The following ATP2B3 variants were observed in gnomAD, a reference collection of about 807,000 sequenced individuals.
ATP2B3 encodes plasma membrane calcium-transporting ATPase 3.
ATP2B3 carries 12 observed loss-of-function variants against 70.8 expected under a neutral mutation model. That is an observed-to-expected ratio of 0.17 (90% CI 0.11 to 0.27). The LOEUF (loss-of-function observed/expected upper bound fraction) is 0.27, where lower values mean the gene tolerates loss of function less well. Ranked by LOEUF, ATP2B3 falls within the 10% of genes least tolerant of loss-of-function variation. The pLI, the probability that ATP2B3 is intolerant of heterozygous loss-of-function variation, is 1.00. For missense variants in ATP2B3, 858 were observed against 1,118.5 expected, an observed-to-expected ratio of 0.77 and a Z score of 3.32; for synonymous variants, 460 against 497.8, an observed-to-expected ratio of 0.92 and a Z score of 1.01.
At chrX:153,545,096 G>T (rs782187397) in intron 7 of ATP2B3, among the ~76,000 whole-genome samples, 55 of 113,046 alleles carry the variant, frequency 4.9e-4, no homozygotes, top group African/African-American at 1.7e-3. Context: ...TAGGGTCGGG[G>T]GGGGGGCCCT....
rs1295054122 is a variant in ATP2B3, at chrX:153,579,871, G to A, written c.3343-107G>A. On this transcript the variant is annotated intron_variant, in intron 21 of 21. Coordinates refer to ENST00000263519, the MANE Select transcript of ATP2B3 (RefSeq NM_001001344.3). ...TACCAGCACCAGCCGGCCACTGACT[G>A]TCTCCTTCCTTCCTTCCTACCTTCC... 10 of 739,027 alleles carry A rather than the reference G, an allele frequency of 1.4e-5. No individual in the cohort carries two copies. The African/African-American group carries it at 1.5e-4, about 11-fold the overall frequency. The allele number at this position is 739,027 out of a possible 1,213,427, so 60.9% of individuals were successfully genotyped here. A position where few individuals can be genotyped will look rare whatever the true frequency, so the allele number is the denominator to read the frequency against.
chrX:153,552,916 G>T (rs2090478803), intron 12 of ATP2B3, 119 bp from the exon 13 acceptor site: 6 of 544,968 alleles, frequency 1.1e-5, no homozygotes, highest in Non-Finnish European at 1.8e-5. Flanking sequence ...TCTCACACGG[G>T]GCACTCCTCT....
intron 2 of ATP2B3, among the ~76,000 whole-genome samples, chrX:153,520,320 A>G (rs1231809787): frequency 8.9e-6 from 1 of 112,622 alleles, no homozygotes; most frequent in Non-Finnish European, 1.9e-5. Flanking sequence ...GGGGCTTCTG[A>G]GAGCTGAGTA....
chrX:153,549,292 G>A (rs2090420176), intron 10 of ATP2B3, among the ~76,000 whole-genome samples: 1 of 109,954 alleles, frequency 9.1e-6, no homozygotes, highest in Non-Finnish European at 1.9e-5. Flanking sequence ...TCCCGGGTGC[G>A]CATCCCGCCC....
intron 18 of ATP2B3, 103 bp from the exon 19 acceptor site, chrX:153,560,573 G>A (rs2124494959): frequency 1.1e-6 from 1 of 932,654 alleles, no homozygotes; most frequent in African/African-American, 1.9e-5. Context: ...CCATCCCCTG[G>A]GACAAGGGAC....
intron 2 of ATP2B3, among the ~76,000 whole-genome samples, chrX:153,532,760 G>C (rs964619927): frequency 8.9e-6 from 1 of 112,046 alleles, no homozygotes; most frequent in Non-Finnish European, 1.9e-5. Flanking sequence ...GACCATTCTC[G>C]GCAGCCAGCC....
Position 153,553,086 on chromosome X carries a change from G to C in ATP2B3, c.1875G>C (p.Arg625=). The C allele has an allele frequency of 8.3e-7, 1 of 1,208,762 alleles. No homozygotes were observed. ...GCGAACTCCGGGGCTTTCGGCCTCG[G>C]GACCGGGACGACATGGTGAGGAAGA... The part of the protein sequence containing the change: ...SNGELRGFRP[R]DRDDMVRKII... The change falls in exon 13 of 22, where the codon CGG becomes CGC. Residue 625 remains arginine, a synonymous_variant. Coordinates refer to ENST00000263519, the MANE Select transcript of ATP2B3 (RefSeq NM_001001344.3).
At chrX:153,534,980 G>A (rs986759284) in intron 2 of ATP2B3, among the ~76,000 whole-genome samples, 6 of 112,711 alleles carry the variant, frequency 5.3e-5, no homozygotes, top group South Asian at 7.3e-4. Context: ...CCCCAGAGAC[G>A]GGGGTTCAGG....
chrX:153,536,303 G>A lies in ATP2B3; in HGVS notation c.56G>A (p.Arg19Gln), dbSNP rs150362066. 8.3e-6 allele frequency: 10 copies of A among 1,199,168 alleles called. No homozygotes were observed. Among genetic ancestry groups the A allele is most frequent in the African/African-American group, 3.5e-5 (2 of 57,584 alleles). Residue 19 changes from arginine (R) to glutamine (Q), a missense_variant, in exon 3 of 22, where the codon CGG becomes CAG. Transcript: ENST00000263519. ...TTCCACCCCAAGCCCCAGCAGCAGC[G>A]GGATGTCCCCCAGGCTGGAGGCTTT... ...IEFHPKPQQQRDVPQAGGFGC... is the reference protein window; with the variant it reads ...IEFHPKPQQQQDVPQAGGFGC...
chrX:153,571,003 T>TACAC (rs879951205), intron 21 of ATP2B3, among the ~76,000 whole-genome samples: 22,685 of 87,131 alleles, frequency 0.26, 2,516 homozygotes, highest in South Asian at 0.37. Context: ...CGTGCGCGCG[T>TACAC]ACACACACAC....
In ATP2B3 at chrX:153,541,424, C is replaced by A; in HGVS notation, c.274C>A (p.Pro92Thr). The change falls in exon 4 of 22, where the codon CCA becomes ACA. Residue 92 changes from proline (P) to threonine (T), a missense_variant. By Grantham distance (38) the Pro-to-Thr change is conservative (BLOSUM62 -1). Coordinates refer to ENST00000263519, the MANE Select transcript of ATP2B3 (RefSeq NM_001001344.3). ...GATCTACGGGCAGAACTTCATCCCC[C>A]CAAAGCAACCCAAGACCTTCCTGCA... ...RQIYGQNFIPPKQPKTFLQLV... is the reference protein window; with the variant it reads ...RQIYGQNFIPTKQPKTFLQLV... The A allele has an allele frequency of 8.3e-7, 1 of 1,211,896 alleles. No homozygotes were observed. Among genetic ancestry groups the A allele is most frequent in the Non-Finnish European group, 1.1e-6 (1 of 895,565 alleles).
intron 19 of ATP2B3, 112 bp from the exon 20 acceptor site, chrX:153,562,023 C>T: frequency 1.5e-6 from 1 of 649,165 alleles, no homozygotes. Flanking sequence ...CAAGGAGCAG[C>T]CCGTGCAACT....
intron 7 of ATP2B3, among the ~76,000 whole-genome samples, chrX:153,545,684 C>T (rs2090354517): frequency 8.9e-6 from 1 of 112,334 alleles, no homozygotes; most frequent in Non-Finnish European, 1.9e-5. Context: ...TAGGCAAGGG[C>T]AGCTGGGTGC....
chrX:153,563,136 C>CTTTTTTTTTTTTTTTTTT (rs36131654), intron 20 of ATP2B3, among the ~76,000 whole-genome samples: 1 of 48,795 alleles, frequency 2.0e-5, no homozygotes, highest in Non-Finnish European at 3.3e-5. Flanking sequence ...CTGGCTTTTC[C>CTTTTTTTTTTTTTTTTTT]TTTTTTTTTT....
intron 6 of ATP2B3, 108 bp from the exon 7 acceptor site, chrX:153,542,935 A>C (rs1557007293): frequency 1.9e-6 from 2 of 1,039,867 alleles, no homozygotes; most frequent in Non-Finnish European, 2.6e-6. Flanking sequence ...TAAGGTGGAC[A>C]CCGCGTCCCT....
At chrX:153,529,884 C>T (rs1325941363) in intron 2 of ATP2B3, among the ~76,000 whole-genome samples, 4 of 112,387 alleles carry the variant, frequency 3.6e-5, no homozygotes, top group Admixed American at 9.4e-5. Context: ...TGTTGAAGCC[C>T]GTCTCAGAAT....
At chrX:153,549,816 C>T in intron 11 of ATP2B3, 77 bp downstream of exon 11, 1 of 1,133,052 alleles carries the variant, frequency 8.8e-7, no homozygotes, top group Non-Finnish European at 1.2e-6. Flanking sequence ...GCCAGGTGAG[C>T]TGTTGCAAGG....
At position 153,532,024 on chromosome X, in the gene ATP2B3, G is replaced by A. The variant is rs782540217; in HGVS notation, c.-126-4098G>A. On this transcript the variant is annotated intron_variant, in intron 2 of 21. Transcript: ENST00000263519. Reference sequence around the variant, plus strand: ...GTCATCAGAGCGTCCCAGCAAGGGCGGCCATGACCCACCTCAAGTCACATG... The same window carrying A: ...GTCATCAGAGCGTCCCAGCAAGGGCAGCCATGACCCACCTCAAGTCACATG... Among the ~76,000 whole-genome samples, 15 of 111,935 alleles carry A rather than the reference G, an allele frequency of 1.3e-4. No individual in the cohort carries two copies. In the South Asian group the frequency reaches 1.5e-3, roughly 11 times the overall value.
intron 20 of ATP2B3, among the ~76,000 whole-genome samples, chrX:153,563,994 G>A (rs1169471921): frequency 8.9e-6 from 1 of 112,204 alleles, no homozygotes; most frequent in African/African-American, 3.2e-5. Flanking sequence ...CTTCCCCTGC[G>A]TCCTTCTAGA....
Sources: gnomAD v4.1 joint callset for allele counts (sites outside exome capture counted in the v4.1 genomes callset) on GRCh38, gnomAD v4.1.1 for gene constraint, MANE v1.5 for transcripts, NCBI Gene and HGNC (gene_info 2026-07-23, HGNC 2026-07-21) for gene names.